DMD: variants seen among roughly 807,000 people sequenced by gnomAD.
DMD encodes mutant dystrophin.
In DMD, 63 loss-of-function variants were observed where a neutral mutation model predicts 330.1. The ratio of observed to expected loss-of-function variants is 0.19; its 90% CI spans 0.16 to 0.24. DMD has a LOEUF of 0.24. Among genes scored for constraint, DMD ranks in the 10% least tolerant of loss-of-function variants. The pLI is 1.00. For synonymous variants in DMD, 1,223 were observed against 959.8 expected (o/e 1.27, Z -5.07); for missense variants, 3,344 against 2,684.1 (o/e 1.25, Z -5.43).
At chrX:32,934,884 T>A (rs2089872990) in intron 2 of DMD, among the ~76,000 whole-genome samples, 1 of 112,875 alleles carries the variant, frequency 8.9e-6, no homozygotes, top group Non-Finnish European at 1.9e-5. Context: ...TTTTTCGATT[T>A]ATCACACATG....
At chrX:31,448,409 C>T (rs2065447585) in intron 59 of DMD, among the ~76,000 whole-genome samples, 1 of 112,102 alleles carries the variant, frequency 8.9e-6, no homozygotes, top group Admixed American at 9.4e-5. Context: ...GCATACATAA[C>T]AAGAAGTATG....
intron 1 of DMD, among the ~76,000 whole-genome samples, chrX:33,239,507 A>G (rs2052551973): frequency 9.0e-6 from 1 of 111,103 alleles, no homozygotes; most frequent in Non-Finnish European, 1.9e-5. Flanking sequence ...TTTCAAAAAG[A>G]TTTTATAATG....
rs180986031 is a variant in DMD at position 32,431,868 on chromosome X, G to A, written c.4071+6373C>T. ...TCATGAGGGCTTTTCTTGTGCGTGT[G>A]AGTGAGTGTGTGTATGTCTATGTGT... On this transcript the variant is annotated intron_variant, in intron 29 of 78. Transcript: ENST00000357033. 3.0e-3 allele frequency among the ~76,000 whole-genome samples: 328 copies of A among 111,182 alleles called. 2 individuals are homozygous for A. Among genetic ancestry groups the A allele is most frequent in the Middle Eastern group, 0.014 (3 of 218 alleles).
At chrX:31,149,814 A>G (rs1335754987) in intron 74 of DMD, among the ~76,000 whole-genome samples, 1 of 111,630 alleles carries the variant, frequency 9.0e-6, no homozygotes, top group Non-Finnish European at 1.9e-5. Flanking sequence ...TCTTACTGTG[A>G]TTTCTTTTAA....
In DMD at chrX:32,463,498, A is replaced by T; in HGVS notation, c.3373T>A (p.Ser1125Thr). 1 of 1,207,305 alleles carries T rather than the reference A, an allele frequency of 8.3e-7. No homozygotes were observed. Among genetic ancestry groups the T allele is most frequent in the Non-Finnish European group, 1.1e-6 (1 of 893,062 alleles). ...TCTTTGAGTTCTGTCTCAAGTCTCG[A>T]AGCAAACTCTGGCTCTGCTTCATTC... ...IKNEAEPEFA[S>T]RLETELKELN... is the part of the protein sequence containing the mutation. Residue 1125 changes from serine (S) to threonine (T), a missense_variant, in exon 25 of 79, where the codon TCG (serine) becomes ACG (threonine). Ser to Thr is a moderately conservative substitution (Grantham distance 58). Transcript: ENST00000357033.
intron 43 of DMD, among the ~76,000 whole-genome samples, chrX:32,241,084 A>G (rs922299394): frequency 1.8e-5 from 2 of 111,834 alleles, no homozygotes; most frequent in Non-Finnish European, 3.8e-5. Context: ...TCATTTTATG[A>G]CTGTATTGTT....
chrX:32,617,432 G>A (rs959029300), intron 11 of DMD, among the ~76,000 whole-genome samples: 2 of 111,385 alleles, frequency 1.8e-5, no homozygotes, highest in Admixed American at 1.9e-4. Flanking sequence ...AACTGATTTT[G>A]GACATGGGTG....
At chrX:32,657,986 C>G (rs1038139216) in intron 9 of DMD, among the ~76,000 whole-genome samples, 9 of 111,121 alleles carry the variant, frequency 8.1e-5, no homozygotes, top group East Asian at 5.7e-4. Flanking sequence ...AAAATCAAAA[C>G]AAAATACACA....
At chrX:31,880,386 T>C (rs1338232022) in intron 47 of DMD, among the ~76,000 whole-genome samples, 2 of 111,430 alleles carry the variant, frequency 1.8e-5, no homozygotes, top group East Asian at 5.6e-4. Flanking sequence ...GGTAATAATT[T>C]TAGCATATAA....
chrX:32,720,882 C>G lies in DMD; in HGVS notation c.650-21589G>C, dbSNP rs746471488. ...GTACACATTGACTTATTTCCTCACC[C>G]TCACTACTCCTGGTAATCACCATTC... On this transcript the variant is annotated intron_variant, in intron 7 of 78. Coordinates refer to ENST00000357033, the MANE Select transcript of DMD (RefSeq NM_004006.3). Among the ~76,000 whole-genome samples, 4 of 111,694 alleles carry G rather than the reference C, an allele frequency of 3.6e-5. No individual in the cohort carries two copies. The South Asian group carries it at 1.1e-3, about 31-fold the overall frequency.
At chrX:33,051,138 T>C (rs2094450683) in intron 1 of DMD, among the ~76,000 whole-genome samples, 1 of 111,717 alleles carries the variant, frequency 9.0e-6, no homozygotes, top group African/African-American at 3.3e-5. Flanking sequence ...TTGCATATCA[T>C]TTCTTTTTAA....
intron 12 of DMD, among the ~76,000 whole-genome samples, chrX:32,605,910 G>A (rs761395712): frequency 2.7e-5 from 3 of 109,534 alleles, no homozygotes; most frequent in Non-Finnish European, 5.8e-5. Flanking sequence ...AAATTTGTGG[G>A]TACAGAGTAG....
chrX:32,364,761 A>G, intron 35 of DMD, 51 bp from the exon 36 acceptor site: 5 of 1,165,717 alleles, frequency 4.3e-6, no homozygotes, highest in Non-Finnish European at 5.8e-6. Context: ...CAATATTCTT[A>G]AAGAATTTTT....
intron 60 of DMD, among the ~76,000 whole-genome samples, chrX:31,440,037 A>C (rs1214862120): frequency 8.9e-6 from 1 of 111,944 alleles, no homozygotes; most frequent in Non-Finnish European, 1.9e-5. Flanking sequence ...TGGTTTATAA[A>C]AGGAAGATTT....
At chrX:32,199,252 A>C (rs1429424565) in intron 44 of DMD, among the ~76,000 whole-genome samples, 1 of 111,929 alleles carries the variant, frequency 8.9e-6, no homozygotes, top group East Asian at 2.8e-4. Context: ...GGCACCATCA[A>C]GACAGATATT....
At chrX:32,839,260 G>A (rs2079938342) in intron 4 of DMD, among the ~76,000 whole-genome samples, 1 of 110,632 alleles carries the variant, frequency 9.0e-6, no homozygotes, top group South Asian at 3.9e-4. Context: ...TTCACCTTAA[G>A]GTCTTTATTA....
intron 1 of DMD, among the ~76,000 whole-genome samples, chrX:33,078,233 G>A (rs779056291): frequency 1.8e-5 from 2 of 111,633 alleles, no homozygotes; most frequent in African/African-American, 6.5e-5. Flanking sequence ...CAAGGTATGA[G>A]GCCAGATTCC....
chrX:32,241,065 TTTTA>T (rs777052290), intron 43 of DMD, among the ~76,000 whole-genome samples: 2 of 112,327 alleles, frequency 1.8e-5, no homozygotes, highest in African/African-American at 3.2e-5. Context: ...TCTTCTTCCA[TTTTA>T]TTTGTCATTT....
chrX:31,278,472 A>G (rs1295250273), intron 62 of DMD, among the ~76,000 whole-genome samples: 1 of 111,353 alleles, frequency 9.0e-6, no homozygotes, highest in Admixed American at 9.5e-5. Context: ...AATCTGCTCC[A>G]AGTTTTAGGG....
Sources: allele counts gnomAD v4.1 joint callset (sites outside exome capture counted in the v4.1 genomes callset), GRCh38; gene constraint gnomAD v4.1.1; transcripts MANE v1.5; gene names NCBI Gene and HGNC (gene_info 2026-07-23, HGNC 2026-07-21).